Variants in SQLE observed in about 807,000 individuals in gnomAD.
SQLE encodes squalene monooxygenase.
SQLE carries 29 observed loss-of-function variants against 60.7 expected under a neutral mutation model. That is an observed-to-expected ratio of 0.48 (90% CI 0.36 to 0.65). The LOEUF (loss-of-function observed/expected upper bound fraction) is 0.65. Among genes scored for constraint, SQLE ranks in the 30% least tolerant of loss-of-function variants. The probability of loss-of-function intolerance (pLI) is 0.00; values close to 1 mark genes in which losing one functional copy is unlikely to be tolerated. For missense variants in SQLE, 605 were observed against 684.1 expected, an observed-to-expected ratio of 0.88 and a Z score of 1.29; for synonymous variants, 237 against 246.8, an observed-to-expected ratio of 0.96 and a Z score of 0.37.
At position 125,018,051 on chromosome 8, in the gene SQLE, C is replaced by T. The variant is rs745782088; in HGVS notation, c.1205-8C>T. The stretch of plus-strand genomic sequence containing the variant: ...CTAAAATAAAATCTTCATTACCTCT[C>T]TTCATAGGTGTTCTTCTTTTGGGAG... On this transcript the variant is annotated splice_polypyrimidine_tract_variant and splice_region_variant and intron_variant, in intron 7 of 10. Transcript: ENST00000265896. The T allele has an allele frequency of 6.2e-7, 1 of 1,612,944 alleles. No homozygotes were observed. The highest frequency in any genetic ancestry group is 8.5e-7 in the Non-Finnish European group (1 of 1,179,678).
intron 3 of SQLE, among the ~76,000 whole-genome samples, chr8:125,006,761 G>A (rs1165838629): frequency 1.3e-5 from 2 of 150,222 alleles, no homozygotes; most frequent in Admixed American, 6.6e-5. Flanking sequence ...CTGGAGGGCA[G>A]TGTTGCAATC....
At chr8:125,013,277 G>A (rs1348126513) in intron 7 of SQLE, among the ~76,000 whole-genome samples, 1 of 150,880 alleles carries the variant, frequency 6.6e-6, no homozygotes, top group East Asian at 1.9e-4. Flanking sequence ...TTCTTTCGTT[G>A]CTTGTGCTTT....
chr8:125,011,564 C>T lies in SQLE; in HGVS notation c.1136C>T (p.Ala379Val), dbSNP rs1457499818. 6 of 1,587,000 alleles carry T rather than the reference C, an allele frequency of 3.8e-6. No homozygotes were observed. The highest frequency in any genetic ancestry group is 1.3e-5 in the African/African-American group (1 of 74,574). The change falls in exon 7 of 11, where the codon GCC becomes GTC. Residue 379 changes from alanine (A) to valine (V), a missense_variant. Physicochemically the swap from Ala to Val is moderately conservative, Grantham distance 64. Coordinates refer to ENST00000265896, the MANE Select transcript of SQLE (RefSeq NM_003129.4). ...CACCTGAAAGAACCATTCTTAGAAG[C>T]CACTGACAATTCTCATCTGAGGTCC... The part of the protein sequence containing the change: ...PDHLKEPFLE[A>V]TDNSHLRSMP...
Position 125,021,769 on chromosome 8 carries a change from C to G in SQLE, c.1549C>G (p.Leu517Val). The G allele has an allele frequency of 6.2e-7, 1 of 1,603,350 alleles. No individual in the cohort carries two copies. The highest frequency in any genetic ancestry group is 1.3e-5 in the African/African-American group (1 of 74,904). ...CTATTACAGATTGTCTCCTAACCCT[C>G]TAGTTTTAATTGGACACTTCTTTGC... ...GLLSVLSPNPLVLIGHFFAVA... is the reference protein window; with the variant it reads ...GLLSVLSPNPVVLIGHFFAVA... The change falls in exon 11 of 11, where the codon CTA (leucine) becomes GTA (valine). Residue 517 changes from leucine to valine, a missense_variant. Coordinates refer to ENST00000265896, the MANE Select transcript of SQLE (RefSeq NM_003129.4).
chr8:125,001,786 C>A lies in SQLE; in HGVS notation c.292-1390C>A, dbSNP rs1322893531. Among the ~76,000 whole-genome samples, 3 of 144,674 alleles carry A rather than the reference C, an allele frequency of 2.1e-5. No homozygotes were observed. The South Asian group carries it at 6.9e-4, about 33-fold the overall frequency. 94.9% of individuals were successfully genotyped at this position (144,674 alleles called of 152,430 possible). On this transcript the variant is annotated intron_variant, in intron 1 of 10. Transcript: ENST00000265896. ...TCTAAAGGATTTTAGGCTTCGTCTT[C>A]CTTTTTGCTTGATTATTTTTTAAAA...
intron 7 of SQLE, among the ~76,000 whole-genome samples, chr8:125,014,262 A>G (rs1815079290): frequency 1.3e-5 from 2 of 152,212 alleles, no homozygotes; most frequent in African/African-American, 4.8e-5. Flanking sequence ...TGGCTTAGAT[A>G]GTTTTGCCAG....
chr8:125,021,938 T>C lies in SQLE; in HGVS notation c.1718T>C (p.Val573Ala). 2 of 1,591,952 alleles carry C rather than the reference T, an allele frequency of 1.3e-6. No homozygotes were observed. The highest frequency in any genetic ancestry group is 8.6e-7 in the Non-Finnish European group (1 of 1,167,758). The stretch of plus-strand genomic sequence containing the variant: ...ATTTACTCAGAAATGAAGTATATGG[T>C]TCATTAAGCTTAAAGGGGAACCATT... ...PLIYSEMKYM[V>A]H Residue 573 changes from valine to alanine, a missense_variant, in exon 11 of 11, where the codon GTT (valine) becomes GCT (alanine). By Grantham distance (64) the Val-to-Ala change is moderately conservative. Transcript: ENST00000265896.
At chr8:125,000,814 A>C (rs561728977) in intron 1 of SQLE, among the ~76,000 whole-genome samples, 23 of 152,346 alleles carry the variant, frequency 1.5e-4, no homozygotes, top group African/African-American at 5.5e-4. Context: ...TTGTAGGCGT[A>C]CAAGAATGGA....
intron 1 of SQLE, among the ~76,000 whole-genome samples, chr8:125,002,425 C>A (rs967680931): frequency 6.6e-6 from 1 of 152,182 alleles, no homozygotes; most frequent in African/African-American, 2.4e-5. Flanking sequence ...CGCCTGTAAT[C>A]CCAGCACTTT....
At chr8:125,018,839 T>C in intron 9 of SQLE, 112 bp downstream of exon 9, 1 of 721,634 alleles carries the variant, frequency 1.4e-6, no homozygotes, top group African/African-American at 1.9e-5. Flanking sequence ...CTGAGTTTGC[T>C]AACTCCCAAG....
rs1588110889 is a variant in SQLE, at chr8:125,000,458, T to C, written c.291+764T>C. On this transcript the variant is annotated intron_variant, in intron 1 of 10. Transcript: ENST00000265896. Reference sequence around the variant, plus strand: ...GTTTACTTTTTAAAAAATTTTTGTTTTTTGAGACAAAGTCTCGCTCTGTCG... The same window carrying C: ...GTTTACTTTTTAAAAAATTTTTGTTCTTTGAGACAAAGTCTCGCTCTGTCG... 4.6e-5 allele frequency among the ~76,000 whole-genome samples: 7 copies of C among 152,334 alleles called. No homozygotes were observed. The Middle Eastern group carries it at 0.024, about 518-fold the overall frequency.
At position 125,007,390 on chromosome 8, in the gene SQLE, G is replaced by C; in HGVS notation, c.726-1G>C. 6.5e-7 allele frequency: 1 copy of C among 1,538,094 alleles called. No individual in the cohort carries two copies. Among genetic ancestry groups the C allele is most frequent in the Non-Finnish European group, 8.8e-7 (1 of 1,140,622 alleles). ...GAAATGTATTTTTTTTTATTCTTTAGTGCAAAGTTTATTGAAGGTGTTGTG... is the reference window on the plus strand; with the variant it reads ...GAAATGTATTTTTTTTTATTCTTTACTGCAAAGTTTATTGAAGGTGTTGTG... On this transcript the variant is annotated splice_acceptor_variant, in intron 3 of 10. Coordinates refer to ENST00000265896, the MANE Select transcript of SQLE (RefSeq NM_003129.4). LOFTEE classifies it high-confidence loss of function.
rs1815003124 is a variant in SQLE at position 125,009,205 on chromosome 8, C to T, written c.970C>T (p.Leu324Phe). The T allele has an allele frequency of 6.2e-7, 1 of 1,612,560 alleles. No individual in the cohort carries two copies. The highest frequency in any genetic ancestry group is 8.5e-7 in the Non-Finnish European group (1 of 1,179,386). The change falls in exon 6 of 11, where the codon CTT becomes TTT. Residue 324 changes from leucine to phenylalanine, a missense_variant. Physicochemically the swap from Leu to Phe is conservative, Grantham distance 22. Coordinates refer to ENST00000265896, the MANE Select transcript of SQLE (RefSeq NM_003129.4). ...APQFKANHAE[L>F]ILANPSPVLI... Reference sequence around the variant, plus strand: ...ACAGTTTAAAGCAAATCATGCTGAACTTATTTTAGCTAACCCGAGTCCAGT... The same window carrying T: ...ACAGTTTAAAGCAAATCATGCTGAATTTATTTTAGCTAACCCGAGTCCAGT...
In SQLE at chr8:125,016,262, C is replaced by G. The variant is rs924539958; in HGVS notation, c.1205-1797C>G. 6.6e-6 allele frequency among the ~76,000 whole-genome samples: 1 copy of G among 152,062 alleles called. No individual in the cohort carries two copies. The highest frequency in any genetic ancestry group is 1.5e-5 in the Non-Finnish European group (1 of 68,004). On this transcript the variant is annotated intron_variant, in intron 7 of 10. Transcript: ENST00000265896. This position sits in a 1 kb window ranked among gnomAD's most constrained non-coding sequence, Gnocchi z 4.1. Reference sequence around the variant, plus strand: ...AGATTTGCTCTTTTGAAATTATTTTCTAGATCTTGTAGGTGTGCCTCATTC... The same window carrying G: ...AGATTTGCTCTTTTGAAATTATTTTGTAGATCTTGTAGGTGTGCCTCATTC...
Position 124,998,954 on chromosome 8 carries a change from G to T in SQLE, c.-450G>T. 3.1e-6 allele frequency: 1 copy of T among 325,070 alleles called. No individual in the cohort carries two copies. The highest frequency in any genetic ancestry group is 4.9e-5 in the Admixed American group (1 of 20,248). The allele number at this position is 325,070 out of a possible 1,614,324, so 20.1% of individuals were successfully genotyped here. A position where few individuals can be genotyped will look rare whatever the true frequency, so the allele number is the denominator to read the frequency against. On this transcript the variant is annotated 5_prime_UTR_variant, in exon 1 of 11. The change creates a new upstream start codon in the 5' untranslated region. Transcript: ENST00000265896. ...TAGGCCACGTTTCCCCCAGTGCCGA[G>T]GTGTTTCTGTGACCCTCCCTCCACT...
chr8:125,005,573 A>G lies in SQLE; in HGVS notation c.593A>G (p.His198Arg). 4 of 1,611,564 alleles carry G rather than the reference A, an allele frequency of 2.5e-6. No individual in the cohort carries two copies. The highest frequency in any genetic ancestry group is 3.4e-6 in the Non-Finnish European group (4 of 1,178,324). The change falls in exon 3 of 11, where the codon CAT (histidine) becomes CGT (arginine). Residue 198 changes from histidine (H) to arginine (R), a missense_variant. His to Arg is a conservative substitution (Grantham distance 29). Transcript: ENST00000265896. Reference protein sequence around the residue: ...DAQVVNGYMIHDQESKSEVQI... With the variant: ...DAQVVNGYMIRDQESKSEVQI... Reference sequence around the variant, plus strand: ...CAGGTTGTAAATGGTTACATGATTCATGATCAGGAAAGCAAATCAGAGGTT... The same window carrying G: ...CAGGTTGTAAATGGTTACATGATTCGTGATCAGGAAAGCAAATCAGAGGTT...
chr8:125,019,713 A>T (rs1050519894), intron 9 of SQLE, among the ~76,000 whole-genome samples: 2 of 152,234 alleles, frequency 1.3e-5, no homozygotes, highest in Non-Finnish European at 2.9e-5. Flanking sequence ...ATACTGACTC[A>T]TATGCCACTA....
At position 124,998,814 on chromosome 8, in the gene SQLE, C is replaced by T. The variant is rs1430826772; in HGVS notation, c.-590C>T. ...TTGTTGGAGAAGGCGTCGGCGTTGG[C>T]GTTTTCCCGAGGTTGGGCTGTACAG... is the stretch of plus-strand genomic sequence containing the variant. On this transcript the variant is annotated 5_prime_UTR_variant, in exon 1 of 11. Coordinates refer to ENST00000265896, the MANE Select transcript of SQLE (RefSeq NM_003129.4). The T allele has an allele frequency of 4.1e-6, 2 of 492,910 alleles. No homozygotes were observed. Among genetic ancestry groups the T allele is most frequent in the Non-Finnish European group, 7.2e-6 (2 of 276,848 alleles). 30.5% of individuals were successfully genotyped at this position (492,910 alleles called of 1,614,324 possible).
chr8:125,012,506 G>A (rs1301868812), intron 7 of SQLE, among the ~76,000 whole-genome samples: 1 of 152,196 alleles, frequency 6.6e-6, no homozygotes, highest in African/African-American at 2.4e-5. Context: ...TAAAGGCATT[G>A]TATAGTAAAG....
Sources: allele counts gnomAD v4.1 joint callset (sites outside exome capture counted in the v4.1 genomes callset), GRCh38; gene constraint gnomAD v4.1.1; non-coding constraint Gnocchi (gnomAD v3.1); transcripts MANE v1.5; gene names NCBI Gene and HGNC (gene_info 2026-07-23, HGNC 2026-07-21).